Variants in ATP2C1 observed in about 807,000 individuals in gnomAD.
The protein encoded by ATP2C1 is calcium-transporting ATPase type 2C member 1.
A neutral mutation model predicts 120.5 loss-of-function variants in ATP2C1; 31 were observed. The observed-to-expected ratio is 0.26, with a 90% CI of 0.19 to 0.35. The LOEUF (loss-of-function observed/expected upper bound fraction) is 0.35. Ranked by LOEUF, ATP2C1 falls within the 10% of genes least tolerant of loss-of-function variation. ATP2C1 has a pLI of 1.00. For synonymous variants in ATP2C1, 351 were observed against 358.7 expected, an observed-to-expected ratio of 0.98 and a Z score of 0.24; for missense variants, 731 against 1,107.5, an observed-to-expected ratio of 0.66 and a Z score of 4.83.
upstream of ATP2C1, among the ~76,000 whole-genome samples, chr3:130,892,126 G>A (rs1364881344): frequency 6.6e-6 from 1 of 152,186 alleles, no homozygotes; most frequent in Non-Finnish European, 1.5e-5. Context: ...CAGTGTTAAT[G>A]CTAGAGTATT....
chr3:130,901,601 G>A (rs1351130214), intron 2 of ATP2C1, among the ~76,000 whole-genome samples: 1 of 152,046 alleles, frequency 6.6e-6, no homozygotes, highest in African/African-American at 2.4e-5. Flanking sequence ...AGGTGCCATT[G>A]ATTGTGGTTG....
chr3:130,977,359 C>T (rs572036201), intron 18 of ATP2C1, among the ~76,000 whole-genome samples: 1 of 152,184 alleles, frequency 6.6e-6, no homozygotes, highest in African/African-American at 2.4e-5. Context: ...CATTTCTTTC[C>T]TCTTTTGAAC....
chr3:130,893,620 A>T (rs2069283742), upstream of ATP2C1, among the ~76,000 whole-genome samples: 1 of 152,164 alleles, frequency 6.6e-6, no homozygotes, highest in Non-Finnish European at 1.5e-5. Flanking sequence ...TGCCACCCCG[A>T]CGGGAGCAGC....
chr3:130,932,377 T>C (rs1438275479), intron 4 of ATP2C1, among the ~76,000 whole-genome samples: 1 of 152,144 alleles, frequency 6.6e-6, no homozygotes, highest in Non-Finnish European at 1.5e-5. Flanking sequence ...ATAATACTGT[T>C]GACAGTAGTG....
intron 2 of ATP2C1, among the ~76,000 whole-genome samples, chr3:130,926,866 A>G (rs2059232694): frequency 6.6e-6 from 1 of 152,258 alleles, no homozygotes; most frequent in African/African-American, 2.4e-5. Flanking sequence ...GTTGCCCAGT[A>G]GTATTCTTGT....
intron 1 of ATP2C1, among the ~76,000 whole-genome samples, chr3:130,855,223 T>C (rs1317073697): frequency 5.9e-5 from 9 of 152,216 alleles, no homozygotes; most frequent in Admixed American, 5.9e-4. Context: ...GTGTCTCCTG[T>C]AGCAGTCAGA....
intron 27 of ATP2C1, among the ~76,000 whole-genome samples, chr3:131,000,992 A>AGG (rs2062856464): frequency 6.6e-6 from 1 of 150,728 alleles, no homozygotes; most frequent in African/African-American, 2.4e-5. Flanking sequence ...AATCCCAGCC[A>AGG]CTTGGGAGGC....
At chr3:130,991,713 T>A (rs941960219) in intron 20 of ATP2C1, among the ~76,000 whole-genome samples, 3 of 152,136 alleles carry the variant, frequency 2.0e-5, no homozygotes, top group Non-Finnish European at 4.4e-5. Context: ...GAGGAGAATT[T>A]CTGGAGTAAT....
intron 16 of ATP2C1, among the ~76,000 whole-genome samples, chr3:130,967,689 A>G (rs536205197): frequency 7.7e-4 from 117 of 151,522 alleles, no homozygotes; most frequent in Non-Finnish European, 1.3e-3. Context: ...GTCTTCCACA[A>G]TGTTGAGATC....
At chr3:130,969,199 C>A in intron 16 of ATP2C1, 93 bp from the exon 17 acceptor site, 1 of 824,238 alleles carries the variant, frequency 1.2e-6, no homozygotes, top group Non-Finnish European at 2.1e-6. Flanking sequence ...AATAATCCAG[C>A]CAACCTAGTT....
At chr3:130,931,516 C>T (rs757923874) in intron 3 of ATP2C1, among the ~76,000 whole-genome samples, 2 of 151,894 alleles carry the variant, frequency 1.3e-5, no homozygotes, top group South Asian at 4.1e-4. Context: ...GCCCATTGAA[C>T]GTTCTTTGGG....
chr3:130,980,549 G>T, intron 19 of ATP2C1, 33 bp from the exon 20 acceptor site: 2 of 1,516,204 alleles, frequency 1.3e-6, no homozygotes, highest in South Asian at 2.2e-5. Context: ...AAAACAATTT[G>T]GTTTATTACA....
chr3:130,885,499 G>A (rs1260035291), intron 1 of ATP2C1, among the ~76,000 whole-genome samples: 3 of 150,182 alleles, frequency 2.0e-5, no homozygotes, highest in Non-Finnish European at 4.4e-5. Flanking sequence ...TATAGTTTTC[G>A]TGTCTATTGT....
intron 2 of ATP2C1, among the ~76,000 whole-genome samples, chr3:130,922,461 G>A (rs983363574): frequency 1.3e-4 from 19 of 151,634 alleles, no homozygotes; most frequent in African/African-American, 4.4e-4. Context: ...ATTTCATTTA[G>A]TTCTGCTCTG....
chr3:130,964,156 C>T, intron 13 of ATP2C1, 61 bp downstream of exon 13: 1 of 1,593,870 alleles, frequency 6.3e-7, no homozygotes, highest in Non-Finnish European at 8.6e-7. Context: ...AATAGTGAAT[C>T]ATCTCAGAGT....
chr3:130,892,300 GTTT>G (rs748123941), upstream of ATP2C1, among the ~76,000 whole-genome samples: 2 of 152,132 alleles, frequency 1.3e-5, no homozygotes, highest in African/African-American at 2.4e-5. Flanking sequence ...AGGTGCTTTT[GTTT>G]TTAATATAAT....
chr3:130,996,947 T>C (rs1233629563), intron 24 of ATP2C1, 151 bp downstream of exon 24: 8 of 681,966 alleles, frequency 1.2e-5, no homozygotes, highest in African/African-American at 1.8e-5. Context: ...TGTGTGTATT[T>C]TATTAATTCT....
chr3:130,997,156 T>C (rs1408205166), intron 24 of ATP2C1, among the ~76,000 whole-genome samples: 2 of 152,130 alleles, frequency 1.3e-5, no homozygotes, highest in African/African-American at 4.8e-5. Flanking sequence ...TTAGAGACTT[T>C]GGGAAAGTAT....
At chr3:130,850,710 AGTTGTCGAGCTAC>A in exon 1 of ATP2C1, 1 of 509,258 alleles carries the variant, frequency 2.0e-6, no homozygotes. Context: ...GTAGGAGGGA[AGTTGTCGAGCTAC>A]AAACAAATCT....
Sources: allele counts gnomAD v4.1 joint callset (sites outside exome capture counted in the v4.1 genomes callset), GRCh38; gene constraint gnomAD v4.1.1; transcripts MANE v1.5; gene names NCBI Gene and HGNC (gene_info 2026-07-23, HGNC 2026-07-21).